Variants in CTBP2 observed in about 807,000 individuals in gnomAD.
CTBP2 encodes the protein C-terminal-binding protein 2.
In CTBP2, 30 loss-of-function variants were observed where a neutral mutation model predicts 80.3. The ratio of observed to expected loss-of-function variants is 0.37; its 90% confidence interval spans 0.28 to 0.51. The LOEUF is 0.51. Ranked by LOEUF, CTBP2 falls within the 20% of genes least tolerant of loss-of-function variation. The pLI, the probability that CTBP2 is intolerant of heterozygous loss-of-function variation, is 0.93. For synonymous variants in CTBP2, 594 were observed against 587.4 expected (o/e 1.01, Z -0.16); for missense variants, 1,212 against 1,375.3 (o/e 0.88, Z 1.88).
At chr10:125,050,506 C>T (rs900553087) in intron 2 of CTBP2, among the ~76,000 whole-genome samples, 2 of 152,236 alleles carry the variant, frequency 1.3e-5, no homozygotes, top group African/African-American at 4.8e-5. Flanking sequence ...TCCATGACTG[C>T]ACCCAAAGGG....
At chr10:124,993,416 T>C (rs377276164) in intron 6 of CTBP2, 87 bp from the exon 9 acceptor site, 61 of 1,425,392 alleles carry the variant, frequency 4.3e-5, no homozygotes, top group Non-Finnish European at 4.7e-5. Context: ...CTTGGCCATG[T>C]AGAAAAGTAG....
At chr10:125,108,411 T>C (rs1478052066) in intron 2 of CTBP2, among the ~76,000 whole-genome samples, 3 of 152,180 alleles carry the variant, frequency 2.0e-5, no homozygotes, top group African/African-American at 7.2e-5. Context: ...GTCACGTGAT[T>C]TTCATCTACC....
rs926309152 is a variant in CTBP2, at chr10:124,984,538, A to C, written c.*4980T>G. 3.9e-6 allele frequency: 2 copies of C among 512,874 alleles called. No homozygotes were observed. Among genetic ancestry groups the C allele is most frequent in the Non-Finnish European group, 6.9e-6 (2 of 290,818 alleles). The allele number at this position is 512,874 out of a possible 1,614,324, so 31.8% of individuals were successfully genotyped here. A position where few individuals can be genotyped will look rare whatever the true frequency, so the allele number is the denominator to read the frequency against. ...TATTTTATCTAACAAATTACCCTCT[A>C]GTGTGCTCCTCTTTAGTTTTTTTCT... On this transcript the variant is annotated 3_prime_UTR_variant, in exon 9 of 9. Transcript: ENST00000309035.
At chr10:125,102,244 C>A (rs1345479668) in intron 2 of CTBP2, among the ~76,000 whole-genome samples, 9 of 152,226 alleles carry the variant, frequency 5.9e-5, no homozygotes, top group Admixed American at 5.9e-4. Flanking sequence ...TTTGGCCATA[C>A]CATGAGGACT....
At chr10:125,106,315 G>A (rs777088256) in intron 2 of CTBP2, among the ~76,000 whole-genome samples, 1 of 152,198 alleles carries the variant, frequency 6.6e-6, no homozygotes, top group East Asian at 1.9e-4. Context: ...AAGCCCCCGG[G>A]AAGCCATCTT....
chr10:124,995,199 G>A (rs1469911010), intron 4 of CTBP2, among the ~76,000 whole-genome samples: 2 of 152,186 alleles, frequency 1.3e-5, no homozygotes, highest in Admixed American at 1.3e-4. Context: ...GCTGGCCCGA[G>A]TGCAGACTGG....
At chr10:125,146,932 C>T (rs191916494) in intron 1 of CTBP2, among the ~76,000 whole-genome samples, 74 of 152,128 alleles carry the variant, frequency 4.9e-4, no homozygotes, top group Non-Finnish European at 8.8e-4. Flanking sequence ...ATTGCCAGGG[C>T]CTGGGGTCAG....
At chr10:125,048,588 G>A (rs1961856100) in intron 2 of CTBP2, among the ~76,000 whole-genome samples, 1 of 152,174 alleles carries the variant, frequency 6.6e-6, no homozygotes, top group African/African-American at 2.4e-5. Context: ...GTGACTGGAG[G>A]TACAGGCCAA....
chr10:125,021,229 A>G (rs564762597), intron 1 of CTBP2, among the ~76,000 whole-genome samples: 1 of 152,176 alleles, frequency 6.6e-6, no homozygotes, highest in Non-Finnish European at 1.5e-5. Context: ...TCCAACCTCA[A>G]CACACAAGCC....
chr10:125,153,560 T>C (rs2133449266), intron 1 of CTBP2, among the ~76,000 whole-genome samples: 1 of 152,246 alleles, frequency 6.6e-6, no homozygotes, highest in Middle Eastern at 3.4e-3. Flanking sequence ...TGTTTTCCCC[T>C]CCAAACTCTT....
upstream of CTBP2, among the ~76,000 whole-genome samples, chr10:125,028,607 G>A (rs750104920): frequency 6.6e-6 from 1 of 152,228 alleles, no homozygotes; most frequent in Non-Finnish European, 1.5e-5. Flanking sequence ...TTATTACTGT[G>A]AAACACAGAT....
intron 2 of CTBP2, among the ~76,000 whole-genome samples, chr10:125,075,457 G>A (rs1846137789): frequency 6.6e-6 from 1 of 152,144 alleles, no homozygotes; most frequent in Non-Finnish European, 1.5e-5. Flanking sequence ...CCCTTGGTCA[G>A]GGAATGACAC....
At chr10:125,120,485 C>T (rs1325935173) in intron 1 of CTBP2, among the ~76,000 whole-genome samples, 2 of 152,194 alleles carry the variant, frequency 1.3e-5, no homozygotes, top group African/African-American at 4.8e-5. Context: ...CTCCCAGGTT[C>T]AAGTGATTCT....
chr10:125,102,244 C>T (rs1345479668), intron 2 of CTBP2, among the ~76,000 whole-genome samples: 1 of 152,226 alleles, frequency 6.6e-6, no homozygotes, highest in Non-Finnish European at 1.5e-5. Context: ...TTTGGCCATA[C>T]CATGAGGACT....
chr10:125,156,092 AT>A (rs974442569), intron 1 of CTBP2, among the ~76,000 whole-genome samples: 4 of 152,134 alleles, frequency 2.6e-5, no homozygotes, highest in African/African-American at 9.7e-5. Context: ...CTGCCCTCCC[AT>A]TTTTTAGTTA....
chr10:125,012,275 G>T (rs1178197214), intron 1 of CTBP2, among the ~76,000 whole-genome samples: 1 of 152,192 alleles, frequency 6.6e-6, no homozygotes, highest in East Asian at 1.9e-4. Flanking sequence ...CAAGCCTGAG[G>T]AGCAAGGAAT....
At chr10:125,034,308 G>C (rs1419325681) in intron 3 of CTBP2, among the ~76,000 whole-genome samples, 1 of 152,212 alleles carries the variant, frequency 6.6e-6, no homozygotes, top group African/African-American at 2.4e-5. Context: ...GCCGGGGACA[G>C]ATAAGGCAAA....
intron 2 of CTBP2, among the ~76,000 whole-genome samples, chr10:125,057,990 A>G (rs1325346431): frequency 6.6e-6 from 1 of 152,138 alleles, no homozygotes; most frequent in Non-Finnish European, 1.5e-5. Context: ...TGGTGCTTTC[A>G]TGCCATCAAC....
intron 1 of CTBP2, among the ~76,000 whole-genome samples, chr10:125,152,018 G>T (rs930826860): frequency 6.6e-6 from 1 of 152,180 alleles, no homozygotes; most frequent in Non-Finnish European, 1.5e-5. Flanking sequence ...GAGGTGGGGG[G>T]GCCCGGGGGT....
Sources: allele counts gnomAD v4.1 joint callset (sites outside exome capture counted in the v4.1 genomes callset), GRCh38; gene constraint gnomAD v4.1.1; transcripts MANE v1.5; gene names NCBI Gene and HGNC (gene_info 2026-07-23, HGNC 2026-07-21).